Variants in ACKR2 observed in about 807,000 individuals in gnomAD.
ACKR2 encodes C-C chemokine receptor D6.
For synonymous variants in ACKR2, 207 were observed against 192.2 expected (o/e 1.08, Z -0.64); for missense variants, 457 against 477.3 (o/e 0.96, Z 0.40).
At position 42,866,178 on chromosome 3, in the gene ACKR2, T is replaced by TTTC. The variant is rs374788443; in HGVS notation, c.*523_*524insCTT. ...TTTTTTTCTTTCTTTCTTTCTTTTC[T>TTTC]TTTTTTTTTTTTTTTGAGACGGAGT... On this transcript the variant is annotated 3_prime_UTR_variant, in exon 3 of 3. Transcript: ENST00000422265. 4 of 45,158 alleles carry TTTC rather than the reference T, an allele frequency of 8.9e-5. No homozygotes were observed. The highest frequency in any genetic ancestry group is 1.7e-3 in the East Asian group (1 of 584). The allele number at this position is 45,158 out of a possible 1,614,324, so 2.8% of individuals were successfully genotyped here. A position where few individuals can be genotyped will look rare whatever the true frequency, so the allele number is the denominator to read the frequency against.
At chr3:42,853,037 A>C (rs1043239524) in intron 2 of ACKR2, among the ~76,000 whole-genome samples, 10 of 152,246 alleles carry the variant, frequency 6.6e-5, no homozygotes, top group Non-Finnish European at 1.2e-4. Flanking sequence ...CACAGCAATG[A>C]CTGGGATAAA....
intron 2 of ACKR2, among the ~76,000 whole-genome samples, chr3:42,823,367 G>A (rs940251301): frequency 1.3e-5 from 2 of 152,146 alleles, no homozygotes; most frequent in Admixed American, 6.5e-5. Context: ...TCAATCAGGG[G>A]CTCCAGACAA....
intron 2 of ACKR2, among the ~76,000 whole-genome samples, chr3:42,862,017 A>G (rs935917444): frequency 6.6e-5 from 10 of 152,238 alleles, no homozygotes; most frequent in Non-Finnish European, 1.5e-4. Context: ...GGCCAGGGCA[A>G]TCAGGCAAAG....
At chr3:42,828,402 C>T (rs556511978) in intron 2 of ACKR2, among the ~76,000 whole-genome samples, 3 of 152,210 alleles carry the variant, frequency 2.0e-5, no homozygotes, top group African/African-American at 7.2e-5. Context: ...TGAGCCACCG[C>T]GCCTGGCCAG....
intron 2 of ACKR2, among the ~76,000 whole-genome samples, chr3:42,827,384 T>C (rs546200165): frequency 8.2e-4 from 125 of 152,362 alleles, no homozygotes; most frequent in African/African-American, 3.0e-3. Flanking sequence ...TATAACTGTA[T>C]TATAACTTTT....
At chr3:42,847,728 G>A (rs1426253892) in intron 2 of ACKR2, among the ~76,000 whole-genome samples, 1 of 151,682 alleles carries the variant, frequency 6.6e-6, no homozygotes, top group Admixed American at 6.6e-5. Flanking sequence ...GGTGGTGCTG[G>A]AGGGAGGATG....
intron 2 of ACKR2, among the ~76,000 whole-genome samples, chr3:42,842,294 A>G (rs1415474461): frequency 6.6e-6 from 1 of 152,234 alleles, no homozygotes; most frequent in Non-Finnish European, 1.5e-5. Flanking sequence ...TGCCTTGGGA[A>G]ATAACATCAA....
intron 2 of ACKR2, chr3:42,851,442 C>T: frequency 1.0e-6 from 1 of 985,424 alleles, no homozygotes; most frequent in Non-Finnish European, 1.2e-6. Flanking sequence ...TCAAGCAAGT[C>T]ATTCTGGCTC....
intron 2 of ACKR2, chr3:42,851,323 G>C: frequency 1.0e-6 from 1 of 981,488 alleles, no homozygotes; most frequent in Non-Finnish European, 1.2e-6. Flanking sequence ...ATAGGCTGCT[G>C]TCCAGAGAGG....
At chr3:42,833,332 CAAT>C (rs1391846540) in intron 2 of ACKR2, among the ~76,000 whole-genome samples, 1 of 152,110 alleles carries the variant, frequency 6.6e-6, no homozygotes, top group East Asian at 1.9e-4. Context: ...ATCAACATAA[CAAT>C]GAGATATTTT....
chr3:42,810,891 C>T (rs191579090), intron 1 of ACKR2, among the ~76,000 whole-genome samples: 13 of 152,322 alleles, frequency 8.5e-5, no homozygotes, highest in Admixed American at 4.6e-4. Context: ...GATAGAGTCT[C>T]GCTCTGTTGC....
intron 2 of ACKR2, among the ~76,000 whole-genome samples, chr3:42,853,900 C>T (rs1290416374): frequency 6.6e-6 from 1 of 152,154 alleles, no homozygotes; most frequent in Non-Finnish European, 1.5e-5. Flanking sequence ...ATTTCAAAGG[C>T]TGGTGTGGCC....
In ACKR2 at chr3:42,865,229, G is replaced by A. The variant is rs1168501517; in HGVS notation, c.727G>A (p.Ala243Thr). 4 of 1,614,056 alleles carry A rather than the reference G, an allele frequency of 2.5e-6. No homozygotes were observed. Among genetic ancestry groups the A allele is most frequent in the South Asian group, 2.2e-5 (2 of 91,084 alleles). Residue 243 changes from alanine to threonine, a missense_variant, in exon 3 of 3, where the codon GCA becomes ACA. By Grantham distance (58) the Ala-to-Thr change is moderately conservative (BLOSUM62 0). Transcript: ENST00000422265. Reference protein sequence around the residue: ...IGCVLVRLRPAGQGRALKIAA... With the variant: ...IGCVLVRLRPTGQGRALKIAA... ...TTGTGTCTTGGTGAGGCTGAGGCCC[G>A]CAGGCCAGGGCCGGGCTTTAAAAAT... is the stretch of plus-strand genomic sequence containing the variant.
intron 2 of ACKR2, among the ~76,000 whole-genome samples, chr3:42,822,165 T>TATAAATAAATAAATAAATAAATAAATAA (rs143225523): frequency 1.0e-4 from 15 of 148,626 alleles, no homozygotes; most frequent in African/African-American, 3.7e-4. Context: ...TAGAGACAGA[T>TATAAATAAATAAATAAATAAATAAATAA]ATAAATAAAT....
At chr3:42,831,388 G>A (rs965424171) in intron 2 of ACKR2, among the ~76,000 whole-genome samples, 2 of 152,188 alleles carry the variant, frequency 1.3e-5, no homozygotes, top group Non-Finnish European at 2.9e-5. Context: ...GCTTTGTGAC[G>A]TTAAAACATT....
chr3:42,861,365 T>A (rs1258936300), intron 2 of ACKR2, among the ~76,000 whole-genome samples: 4 of 152,186 alleles, frequency 2.6e-5, no homozygotes, highest in African/African-American at 4.8e-5. Flanking sequence ...ATTGAGGCAG[T>A]AATTAATGGC....
chr3:42,826,812 G>A (rs746985840), intron 2 of ACKR2, among the ~76,000 whole-genome samples: 1 of 152,096 alleles, frequency 6.6e-6, no homozygotes, highest in Non-Finnish European at 1.5e-5. Flanking sequence ...AATCATAGGC[G>A]AAAAGTTAGT....
chr3:42,810,690 G>A (rs916688637), intron 1 of ACKR2, among the ~76,000 whole-genome samples: 2 of 152,150 alleles, frequency 1.3e-5, no homozygotes, highest in Non-Finnish European at 2.9e-5. Flanking sequence ...ACAAAGGCAA[G>A]ACTTGCGTCA....
At chr3:42,827,967 T>C (rs1341195603) in intron 2 of ACKR2, among the ~76,000 whole-genome samples, 1 of 151,154 alleles carries the variant, frequency 6.6e-6, no homozygotes, top group Non-Finnish European at 1.5e-5. Flanking sequence ...GTCTTCTCCA[T>C]AAAATAAACC....
Sources: allele counts gnomAD v4.1 joint callset (sites outside exome capture counted in the v4.1 genomes callset), GRCh38; gene constraint gnomAD v4.1.1; transcripts MANE v1.5; gene names NCBI Gene and HGNC (gene_info 2026-07-23, HGNC 2026-07-21).